Variants in CTDP1 observed in about 807,000 individuals in gnomAD.
The protein encoded by CTDP1 is CTD phosphatase 1, also known as RNA polymerase II subunit A C-terminal domain phosphatase.
In CTDP1, 47 loss-of-function variants were observed where a neutral mutation model predicts 91.8. The ratio of observed to expected loss-of-function variants is 0.51; its 90% CI spans 0.41 to 0.65. The LOEUF is 0.65. Ranked by LOEUF, CTDP1 falls within the 30% of genes least tolerant of loss-of-function variation. The pLI is 0.00. For synonymous variants in CTDP1, 656 were observed against 598.5 expected, an observed-to-expected ratio of 1.10 and a Z score of -1.40; for missense variants, 1,272 against 1,373.7, an observed-to-expected ratio of 0.93 and a Z score of 1.17.
At chr18:79,726,897 G>T (rs531369843) in intron 10 of CTDP1, among the ~76,000 whole-genome samples, 2,934 of 77,350 alleles carry the variant, frequency 0.038, 494 homozygotes, top group Non-Finnish European at 0.071. Context: ...GCTGGTGGAT[G>T]GCTGTCGGGG....
chr18:79,733,390 A>T (rs1426626977), intron 11 of CTDP1, among the ~76,000 whole-genome samples: 1 of 152,184 alleles, frequency 6.6e-6, no homozygotes, highest in Non-Finnish European at 1.5e-5. Flanking sequence ...GTGATCATGG[A>T]ACTGCGGGGA....
At chr18:79,716,137 G>T (rs552946468) in intron 8 of CTDP1, among the ~76,000 whole-genome samples, 1 of 152,206 alleles carries the variant, frequency 6.6e-6, no homozygotes, top group African/African-American at 2.4e-5. Context: ...TAGTTATTCT[G>T]TGAAAATGCT....
chr18:79,684,344 T>G (rs1274787875), intron 1 of CTDP1, among the ~76,000 whole-genome samples: 1 of 152,128 alleles, frequency 6.6e-6, no homozygotes, highest in Non-Finnish European at 1.5e-5. Context: ...GAATCCCACG[T>G]GGGTATGTGT....
At chr18:79,743,189 C>T (rs1385830347) in intron 12 of CTDP1, among the ~76,000 whole-genome samples, 2 of 152,166 alleles carry the variant, frequency 1.3e-5, no homozygotes, top group African/African-American at 4.8e-5. Flanking sequence ...ATAATTACAA[C>T]GATGCATTGT....
rs1369626656 is a variant in CTDP1 at position 79,680,148 on chromosome 18, T to G, written c.201T>G (p.Arg67=). 1.4e-6 allele frequency: 2 copies of G among 1,424,912 alleles called. No homozygotes were observed. Among genetic ancestry groups the G allele is most frequent in the East Asian group, 3.1e-5 (1 of 31,940 alleles). The allele number at this position is 1,424,912 out of a possible 1,614,324, so 88.3% of individuals were successfully genotyped here. A position where few individuals can be genotyped will look rare whatever the true frequency, so the allele number is the denominator to read the frequency against. The change falls in exon 1 of 13, where the codon CGT becomes CGG. Residue 67 remains arginine (R), a synonymous_variant. Transcript: ENST00000613122. ...AGTCCTCCGGGGCCTCTCAGTCCCG[T>G]GTAGCCTCCGGGGGCTGCGTGCGCC... The part of the protein sequence containing the change: ...SAQSSGASQS[R]VASGGCVRPA...
rs528124580 is a variant in CTDP1, at chr18:79,698,598, A to G, written c.621+610A>G. Among the ~76,000 whole-genome samples the G allele has an allele frequency of 8.0e-4, 122 of 152,292 alleles. 1 individual carries two copies. Among genetic ancestry groups the G allele is most frequent in the Non-Finnish European group, 1.5e-3 (99 of 68,018 alleles). On this transcript the variant is annotated intron_variant, in intron 4 of 12. Transcript: ENST00000613122. ...CTGAATTTCTAGACCGAAGGCTTTG[A>G]ATGTCTGTGCCCAGAGGCTTGCGCA...
intron 6 of CTDP1, 151 bp from the exon 7 acceptor site, chr18:79,712,821 G>C: frequency 1.3e-6 from 1 of 751,704 alleles, no homozygotes; most frequent in East Asian, 2.7e-5. Context: ...GACCCAAACA[G>C]AAAGGGCTTC....
intron 5 of CTDP1, among the ~76,000 whole-genome samples, chr18:79,707,360 A>G (rs1259473724): frequency 6.6e-6 from 1 of 152,230 alleles, no homozygotes; most frequent in Non-Finnish European, 1.5e-5. Flanking sequence ...TCGCAGATTC[A>G]GCAGAGCATC....
At chr18:79,708,618 G>A (rs1294708671) in intron 5 of CTDP1, among the ~76,000 whole-genome samples, 1 of 152,222 alleles carries the variant, frequency 6.6e-6, no homozygotes, top group Non-Finnish European at 1.5e-5. Context: ...CTGCGTGGTT[G>A]GACTTTGGGT....
In CTDP1 at chr18:79,748,899, G is replaced by A. The variant is rs1003139958; in HGVS notation, c.2748-4753G>A. Among the ~76,000 whole-genome samples the A allele has an allele frequency of 4.4e-5, 5 of 113,776 alleles. No individual in the cohort carries two copies. The East Asian group carries it at 1.2e-3, about 27-fold the overall frequency. 74.6% of individuals were successfully genotyped at this position (113,776 alleles called of 152,430 possible). On this transcript the variant is annotated intron_variant, in intron 12 of 12. Coordinates refer to ENST00000613122, the MANE Select transcript of CTDP1 (RefSeq NM_004715.5). ...TGTTTGCCGTGTCTGTGTGTTTGCCGTGTCTGTGTGTGAGCCGTGTCTGTG... is the reference window on the plus strand; with the variant it reads ...TGTTTGCCGTGTCTGTGTGTTTGCCATGTCTGTGTGTGAGCCGTGTCTGTG...
chr18:79,714,531 G>GC lies in CTDP1; in HGVS notation c.1074dup (p.Val359ArgfsTer5). On this transcript the variant is annotated frameshift_variant, in exon 8 of 13. Transcript: ENST00000613122. LOFTEE classifies it high-confidence loss of function. ...GCACTGAGGTCTCAGAGCCATCTCC[G>GC]CCCGTGAGAGACCCTGAGGGGGTAA... is the stretch of plus-strand genomic sequence containing the variant. 1 of 1,613,142 alleles carries GC rather than the reference G, an allele frequency of 6.2e-7. No homozygotes were observed. Among genetic ancestry groups the GC allele is most frequent in the Non-Finnish European group, 8.5e-7 (1 of 1,180,032 alleles).
intron 12 of CTDP1, among the ~76,000 whole-genome samples, chr18:79,751,050 GGA>G: frequency 7.4e-6 from 1 of 135,084 alleles, no homozygotes; most frequent in Non-Finnish European, 1.6e-5. Flanking sequence ...AGGGAGGGAG[GGA>G]GGCTGGGCAC....
chr18:79,714,919 C>G lies in CTDP1; in HGVS notation c.1459C>G (p.Pro487Ala). ...ESEGKRGRQK[P>A]KAAPEGAGAL... ...CGAGGGGAAAAGAGGCCGGCAGAAG[C>G]CGAAGGCTGCCCCAGAGGGAGCCGG... Residue 487 changes from proline (P) to alanine (A), a missense_variant, in exon 8 of 13, where the codon CCG (proline) becomes GCG (alanine). Pro to Ala is a conservative substitution (Grantham distance 27). This residue lies in a region of CTDP1 where 881 missense variants were observed against 911.6 expected (regional missense o/e 0.97). Transcript: ENST00000613122. 1 of 1,565,478 alleles carries G rather than the reference C, an allele frequency of 6.4e-7. No individual in the cohort carries two copies. Among genetic ancestry groups the G allele is most frequent in the Non-Finnish European group, 8.7e-7 (1 of 1,155,286 alleles).
intron 1 of CTDP1, chr18:79,681,328 C>A: frequency 2.6e-6 from 1 of 381,616 alleles, no homozygotes; most frequent in Non-Finnish European, 3.6e-6. Flanking sequence ...CTGGGAGGTT[C>A]AGGGCCTTGC....
At chr18:79,729,188 G>C (rs1437189603) in intron 11 of CTDP1, 119 bp downstream of exon 11, 3 of 1,281,440 alleles carry the variant, frequency 2.3e-6, no homozygotes, top group South Asian at 2.4e-5. Flanking sequence ...TCCTGCACTT[G>C]TGTAGTTGTG....
At chr18:79,747,868 G>A (rs1411459973) in intron 12 of CTDP1, among the ~76,000 whole-genome samples, 1 of 152,200 alleles carries the variant, frequency 6.6e-6, no homozygotes, top group East Asian at 1.9e-4. Flanking sequence ...AGATGCTGGT[G>A]TGACACAATT....
chr18:79,690,622 G>C (rs367651386), intron 1 of CTDP1, among the ~76,000 whole-genome samples: 4 of 152,160 alleles, frequency 2.6e-5, no homozygotes, highest in Non-Finnish European at 4.4e-5. Context: ...GAAATGTCTC[G>C]TATTAAGAAA....
Position 79,717,879 on chromosome 18 carries a change from G to A in CTDP1, c.2280G>A (p.Pro760=), listed in dbSNP as rs769174439. 9.9e-6 allele frequency: 16 copies of A among 1,613,458 alleles called. No individual in the cohort carries two copies. Among genetic ancestry groups the A allele is most frequent in the Admixed American group, 3.3e-5 (2 of 60,004 alleles). ...VPPTALFHPM[P]VLPKAQPGPE... is the part of the protein sequence containing the mutation. ...CCACCGCCTTGTTCCACCCGATGCC[G>A]GTTCTTCCCAAGGCCCAGCCTGGCC... Residue 760 remains proline, a synonymous_variant, in exon 10 of 13, where the codon CCG becomes CCA. Coordinates refer to ENST00000613122, the MANE Select transcript of CTDP1 (RefSeq NM_004715.5).
intron 12 of CTDP1, among the ~76,000 whole-genome samples, chr18:79,746,982 C>T (rs1005621730): frequency 2.0e-5 from 3 of 152,166 alleles, no homozygotes; most frequent in African/African-American, 7.2e-5. Context: ...GGGCTAAAGG[C>T]TCCTGGTCGC....
Sources: gnomAD v4.1 joint callset for allele counts (sites outside exome capture counted in the v4.1 genomes callset) on GRCh38, gnomAD v4.1.1 for gene constraint, gnomAD v4.1.1 regional missense constraint, MANE v1.5 for transcripts, NCBI Gene and HGNC (gene_info 2026-07-23, HGNC 2026-07-21) for gene names.